The following IRAK1BP1 variants were observed in gnomAD, a reference collection of about 807,000 sequenced individuals.
IRAK1BP1 encodes the protein interleukin-1 receptor-associated kinase 1-binding protein 1.
In IRAK1BP1, 24 loss-of-function variants were observed where a neutral mutation model predicts 28.0. That is an observed-to-expected ratio of 0.86 (90% CI 0.62 to 1.20). The LOEUF is 1.20. Ranked by LOEUF, IRAK1BP1 falls within the 50% of genes most tolerant of loss-of-function variation. The pLI is 0.00. For missense variants in IRAK1BP1, 336 were observed against 316.7 expected (o/e 1.06, Z -0.46); for synonymous variants, 131 against 116.3 (o/e 1.13, Z -0.81).
At chr6:78,932,433 T>C (rs1773079973) in intron 4 of IRAK1BP1, among the ~76,000 whole-genome samples, 1 of 149,408 alleles carries the variant, frequency 6.7e-6, no homozygotes, top group African/African-American at 2.5e-5. Context: ...TTTTTTTTTT[T>C]TTTTTGAGAT....
chr6:78,938,293 A>G (rs1222359525), intron 4 of IRAK1BP1: 1 of 151,710 alleles, frequency 6.6e-6, no homozygotes, highest in African/African-American at 2.4e-5. Context: ...TAGAACAGGA[A>G]TAATACATTT....
intron 4 of IRAK1BP1, chr6:78,940,307 T>C (rs1020032618): frequency 1.1e-4 from 16 of 151,852 alleles, no homozygotes; most frequent in African/African-American, 3.9e-4. Flanking sequence ...CATTTTAACA[T>C]GAAATGCTCT....
intron 1 of IRAK1BP1, among the ~76,000 whole-genome samples, chr6:78,870,256 A>AT: frequency 6.6e-6 from 1 of 152,072 alleles, no homozygotes; most frequent in East Asian, 1.9e-4. Context: ...CAAAAAAAAA[A>AT]AGAAAAGAAA....
intron 4 of IRAK1BP1, among the ~76,000 whole-genome samples, chr6:78,922,170 T>C (rs1250022754): frequency 6.6e-6 from 1 of 152,076 alleles, no homozygotes; most frequent in Middle Eastern, 3.4e-3. Context: ...AAGTTAAAAG[T>C]CTTGAAAAAA....
At chr6:78,945,891 C>T (rs1303865793) in exon 5 of IRAK1BP1, 2 of 770,326 alleles carry the variant, frequency 2.6e-6, no homozygotes, top group African/African-American at 1.8e-5. Context: ...AAGGCAAAAA[C>T]AACAGTGTCT....
At chr6:78,951,901 T>C in the IRAK1BP1 span, among the ~76,000 whole-genome samples, 30 of 152,312 alleles carry the variant, frequency 2.0e-4, no homozygotes, top group East Asian at 5.6e-3. Flanking sequence ...TAGCTATAAA[T>C]AGTTTTGTCT....
the IRAK1BP1 span, among the ~76,000 whole-genome samples, chr6:78,975,812 T>C: frequency 6.6e-6 from 1 of 150,398 alleles, no homozygotes; most frequent in East Asian, 2.0e-4. Context: ...GAATCCAACT[T>C]ACAAGGGATG....
At chr6:78,891,261 C>G (rs935636256) in intron 2 of IRAK1BP1, among the ~76,000 whole-genome samples, 1 of 152,050 alleles carries the variant, frequency 6.6e-6, no homozygotes, top group African/African-American at 2.4e-5. Flanking sequence ...CTATATTGTT[C>G]AGCTGTAAAC....
intron 2 of IRAK1BP1, among the ~76,000 whole-genome samples, chr6:78,894,515 G>A (rs544891985): frequency 4.5e-4 from 69 of 152,184 alleles, no homozygotes; most frequent in Admixed American, 1.4e-3. Context: ...AATTAATCAA[G>A]AGGACATACA....
chr6:78,942,017 AG>A (rs1773527703), intron 4 of IRAK1BP1, among the ~76,000 whole-genome samples: 1 of 140,862 alleles, frequency 7.1e-6, no homozygotes, highest in African/African-American at 2.5e-5. Context: ...AGGAACTACC[AG>A]TAACTAACTC....
chr6:78,891,183 A>G (rs1214723619), intron 2 of IRAK1BP1, among the ~76,000 whole-genome samples: 2 of 152,234 alleles, frequency 1.3e-5, no homozygotes, highest in Admixed American at 6.5e-5. Flanking sequence ...AACAAATAAA[A>G]ATGAACTGAT....
chr6:78,939,374 A>G (rs895946842), intron 4 of IRAK1BP1: 3 of 151,832 alleles, frequency 2.0e-5, no homozygotes, highest in East Asian at 1.9e-4. Context: ...AAAAGTGCAG[A>G]AAAAACACAA....
the IRAK1BP1 span, chr6:78,954,672 GTAGCCAAATGGA>G: frequency 1.8e-6 from 1 of 562,342 alleles, no homozygotes; most frequent in South Asian, 2.8e-5. Flanking sequence ...GATTCTCTAT[GTAGCCAAATGGA>G]TAATGAGAAC....
chr6:78,876,331 A>G lies in IRAK1BP1; in HGVS notation c.315+8440A>G, dbSNP rs190591929. ...CATGTGGAACTGAGAGTCAAACCTC[A>G]TTTGTTTATAAATTACCCAAACTCA... is the stretch of plus-strand genomic sequence containing the variant. On this transcript the variant is annotated intron_variant, in intron 1 of 3. Transcript: ENST00000369940. 1.1e-4 allele frequency among the ~76,000 whole-genome samples: 17 copies of G among 152,284 alleles called. 1 individual carries two copies. The highest frequency in any genetic ancestry group is 9.8e-4 in the Admixed American group (15 of 15,300).
downstream of IRAK1BP1, among the ~76,000 whole-genome samples, chr6:78,903,359 C>T (rs1249974429): frequency 6.6e-6 from 1 of 151,908 alleles, no homozygotes; most frequent in African/African-American, 2.4e-5. Context: ...GGTGTGGTGG[C>T]ACACGCCTGT....
downstream of IRAK1BP1, among the ~76,000 whole-genome samples, chr6:78,906,137 G>T (rs1772255646): frequency 6.6e-6 from 1 of 152,096 alleles, no homozygotes; most frequent in African/African-American, 2.4e-5. Flanking sequence ...TGAGAAATTT[G>T]TTAAGTCTTC....
intron 4 of IRAK1BP1, among the ~76,000 whole-genome samples, chr6:78,911,093 T>C (rs1772403904): frequency 2.0e-5 from 3 of 152,186 alleles, no homozygotes; most frequent in Admixed American, 2.0e-4. Flanking sequence ...GCCTTCCTTC[T>C]GCTGCCAGCA....
At chr6:78,916,743 G>C (rs1472586249) in intron 4 of IRAK1BP1, among the ~76,000 whole-genome samples, 1 of 151,928 alleles carries the variant, frequency 6.6e-6, no homozygotes, top group Non-Finnish European at 1.5e-5. Context: ...TTAGAGACAA[G>C]CCCAGGCAGA....
At chr6:78,949,390 A>G (rs182554059), downstream of IRAK1BP1, among the ~76,000 whole-genome samples, 475 of 152,214 alleles carry the variant, frequency 3.1e-3, 3 homozygotes, top group African/African-American at 0.011. Context: ...ATAAAGCCAC[A>G]ATCAGCTCCT....
Sources: allele counts gnomAD v4.1 joint callset (sites outside exome capture counted in the v4.1 genomes callset), GRCh38; gene constraint gnomAD v4.1.1; transcripts MANE v1.5; gene names NCBI Gene and HGNC (gene_info 2026-07-23, HGNC 2026-07-21).